TCF7L2: variants seen among roughly 807,000 people sequenced by gnomAD.
The protein encoded by TCF7L2 is transcription factor 7 like 2.
A neutral mutation model predicts 77.9 loss-of-function variants in TCF7L2; 23 were observed. That is an observed-to-expected ratio of 0.30 (90% CI 0.21 to 0.42). The LOEUF (loss-of-function observed/expected upper bound fraction) is 0.42, where lower values mean the gene tolerates loss of function less well. Ranked by LOEUF, TCF7L2 falls within the 10% of genes least tolerant of loss-of-function variation. The pLI is 1.00. For synonymous variants in TCF7L2, 413 were observed against 340.2 expected, an observed-to-expected ratio of 1.21 and a Z score of -2.36; for missense variants, 654 against 793.1, an observed-to-expected ratio of 0.82 and a Z score of 2.11.
chr10:113,020,181 C>A (rs2048053900), intron 4 of TCF7L2, among the ~76,000 whole-genome samples: 1 of 152,186 alleles, frequency 6.6e-6, no homozygotes, highest in Non-Finnish European at 1.5e-5. Context: ...GCCATGCTGC[C>A]TCACAGCTCA....
chr10:112,982,525 C>T (rs909527059), intron 4 of TCF7L2, among the ~76,000 whole-genome samples: 2 of 152,134 alleles, frequency 1.3e-5, no homozygotes, highest in Admixed American at 6.5e-5. Flanking sequence ...TATATTGTGG[C>T]GCATATCTCT....
At chr10:112,995,826 T>G (rs2043366374) in intron 4 of TCF7L2, among the ~76,000 whole-genome samples, 1 of 152,094 alleles carries the variant, frequency 6.6e-6, no homozygotes, top group African/African-American at 2.4e-5. Context: ...GTCCCTTCCC[T>G]TCCCCATCCC....
intron 4 of TCF7L2, among the ~76,000 whole-genome samples, chr10:113,021,817 A>C (rs1285050707): frequency 6.6e-6 from 1 of 152,168 alleles, no homozygotes; most frequent in Non-Finnish European, 1.5e-5. Context: ...TTCTCATAGA[A>C]CATGGCCAGT....
intron 8 of TCF7L2, among the ~76,000 whole-genome samples, chr10:113,146,695 A>G (rs374000852): frequency 6.6e-6 from 1 of 151,866 alleles, no homozygotes; most frequent in Non-Finnish European, 1.5e-5. Flanking sequence ...TAGCCAAAAT[A>G]TTATCATTTT....
At chr10:113,089,617 T>A (rs1317519786) in intron 5 of TCF7L2, 4 of 1,552,248 alleles carry the variant, frequency 2.6e-6, no homozygotes, top group Middle Eastern at 1.9e-4. Context: ...TTTACCTCTC[T>A]CTAGGGCAGG....
At chr10:113,015,875 G>C (rs2047252273) in intron 4 of TCF7L2, among the ~76,000 whole-genome samples, 1 of 152,216 alleles carries the variant, frequency 6.6e-6, no homozygotes, top group Admixed American at 6.5e-5. Context: ...TTGTGGACAA[G>C]TGATGTGAAG....
At chr10:113,034,495 G>A (rs991875998) in intron 4 of TCF7L2, among the ~76,000 whole-genome samples, 1 of 152,204 alleles carries the variant, frequency 6.6e-6, no homozygotes, top group Admixed American at 6.5e-5. Flanking sequence ...GGGCGCATAA[G>A]CAGAGTATTG....
chr10:113,068,150 A>T (rs2057490127), intron 5 of TCF7L2, among the ~76,000 whole-genome samples: 1 of 152,336 alleles, frequency 6.6e-6, no homozygotes, highest in Admixed American at 6.5e-5. Flanking sequence ...GAGGCCATTG[A>T]TCACACGTGA....
chr10:113,116,865 A>G (rs1372507853), intron 5 of TCF7L2, among the ~76,000 whole-genome samples: 2 of 152,204 alleles, frequency 1.3e-5, no homozygotes, highest in South Asian at 2.1e-4. Flanking sequence ...TCTCAAATGC[A>G]AGTGTAAAGT....
rs557370714 is a variant in TCF7L2, at chr10:113,148,375, C to CA, written c.875+2284dup. ...CATAATGTGGGTGCACCGTGGCTCACAAAAAATAAGGCAGGAAGAGATGAA... is the reference window on the plus strand; with the variant it reads ...CATAATGTGGGTGCACCGTGGCTCACAAAAAAATAAGGCAGGAAGAGATGAA... On this transcript the variant is annotated intron_variant, in intron 8 of 13. Coordinates refer to ENST00000627217, the MANE Select transcript of TCF7L2 (RefSeq NM_001146274.2). Among the ~76,000 whole-genome samples, 49 of 152,090 alleles carry CA rather than the reference C, an allele frequency of 3.2e-4. 2 individuals carry two copies. In the East Asian group the frequency reaches 8.7e-3, roughly 27 times the overall value.
At chr10:113,053,642 G>T (rs1349662458) in intron 5 of TCF7L2, among the ~76,000 whole-genome samples, 2 of 152,130 alleles carry the variant, frequency 1.3e-5, no homozygotes, top group Admixed American at 1.3e-4. Flanking sequence ...AAACTTAGAG[G>T]TCTAGTGACA....
chr10:113,097,785 C>T (rs900947770), intron 5 of TCF7L2, among the ~76,000 whole-genome samples: 3 of 151,274 alleles, frequency 2.0e-5, no homozygotes, highest in African/African-American at 4.9e-5. Context: ...GACGCAGTGG[C>T]TCACACCTGT....
chr10:113,005,056 G>A (rs1353670658), intron 4 of TCF7L2, among the ~76,000 whole-genome samples: 1 of 152,214 alleles, frequency 6.6e-6, no homozygotes, highest in East Asian at 1.9e-4. Flanking sequence ...CGGTTCAGGG[G>A]AAGGGGGAGG....
chr10:113,102,844 T>G (rs1370468733), intron 5 of TCF7L2, among the ~76,000 whole-genome samples: 3 of 152,218 alleles, frequency 2.0e-5, no homozygotes, highest in Non-Finnish European at 4.4e-5. Context: ...TCCACTATCC[T>G]TCTGGCACTG....
chr10:112,974,633 CG>C (rs2039016067), intron 4 of TCF7L2, among the ~76,000 whole-genome samples: 1 of 151,992 alleles, frequency 6.6e-6, no homozygotes, highest in Non-Finnish European at 1.5e-5. Context: ...TTAGTAGAGA[CG>C]GGGTTTCACC....
chr10:113,064,145 G>C (rs997359056), intron 5 of TCF7L2, among the ~76,000 whole-genome samples: 2 of 152,136 alleles, frequency 1.3e-5, no homozygotes, highest in African/African-American at 4.8e-5. Flanking sequence ...TTTGGGATAT[G>C]TAACAGGCTT....
chr10:113,056,519 A>C (rs1232147792), intron 5 of TCF7L2, among the ~76,000 whole-genome samples: 2 of 152,186 alleles, frequency 1.3e-5, no homozygotes, highest in South Asian at 4.1e-4. Flanking sequence ...TAAAAGCCCA[A>C]ATAATTGCAT....
intron 3 of TCF7L2, among the ~76,000 whole-genome samples, chr10:112,952,611 A>C (rs1269650512): frequency 1.3e-5 from 2 of 151,576 alleles, no homozygotes; most frequent in Non-Finnish European, 2.9e-5. Context: ...CGTGGGCCCC[A>C]GGGGGGCCAG....
chr10:112,953,585 T>C (rs1323618868), intron 3 of TCF7L2, among the ~76,000 whole-genome samples: 2 of 152,236 alleles, frequency 1.3e-5, no homozygotes, highest in African/African-American at 2.4e-5. Flanking sequence ...CATCTGAATA[T>C]TGAGCTTTGA....
Sources: gnomAD v4.1 joint callset for allele counts (sites outside exome capture counted in the v4.1 genomes callset) on GRCh38, gnomAD v4.1.1 for gene constraint, MANE v1.5 for transcripts, NCBI Gene and HGNC (gene_info 2026-07-23, HGNC 2026-07-21) for gene names.